The following KCNQ2 variants were observed in gnomAD, a reference collection of about 807,000 sequenced individuals.
KCNQ2 encodes the protein potassium voltage-gated channel subfamily Q member 2, also known as potassium voltage-gated channel subfamily KQT member 2.
Under a neutral mutation model 84.8 loss-of-function variants are expected in KCNQ2, and 14 were observed. That is an observed-to-expected ratio of 0.17 (90% CI 0.11 to 0.26). KCNQ2 has a LOEUF of 0.26. Among genes scored for constraint, KCNQ2 ranks in the 10% least tolerant of loss-of-function variants. The probability of loss-of-function intolerance (pLI) is 1.00; values close to 1 mark genes in which losing one functional copy is unlikely to be tolerated. For missense variants in KCNQ2, 788 were observed against 1,254.0 expected, an observed-to-expected ratio of 0.63 and a Z score of 5.61; for synonymous variants, 599 against 554.1, an observed-to-expected ratio of 1.08 and a Z score of -1.14.
chr20:63,429,410 T>C (rs1338848289), intron 9 of KCNQ2, among the ~76,000 whole-genome samples: 2 of 151,982 alleles, frequency 1.3e-5, no homozygotes, highest in Non-Finnish European at 2.9e-5. Flanking sequence ...CACGTCCTGG[T>C]CTCTCCTCTG....
At chr20:63,432,321 C>T (rs552664012) in intron 8 of KCNQ2, among the ~76,000 whole-genome samples, 5 of 147,364 alleles carry the variant, frequency 3.4e-5, no homozygotes, top group Admixed American at 6.7e-5. Flanking sequence ...AGGCTCCACC[C>T]TCTGGGAAGG....
At chr20:63,416,079 C>T (rs1402279639) in intron 12 of KCNQ2, among the ~76,000 whole-genome samples, 4 of 152,250 alleles carry the variant, frequency 2.6e-5, no homozygotes, top group Admixed American at 2.6e-4. Context: ...CAGAGAACTG[C>T]TCCTTCCGGC....
At chr20:63,411,989 C>T (rs532051840) in intron 15 of KCNQ2, 26 of 647,686 alleles carry the variant, frequency 4.0e-5, no homozygotes, top group East Asian at 3.2e-4. Flanking sequence ...AGGGAGGCTC[C>T]GTCGAAACAG....
chr20:63,420,767 G>A (rs1457622498), intron 11 of KCNQ2, among the ~76,000 whole-genome samples: 9 of 152,032 alleles, frequency 5.9e-5, no homozygotes, highest in Non-Finnish European at 1.0e-4. Flanking sequence ...CTCCAAGGGC[G>A]GGTGGCCGGC....
chr20:63,459,412 G>T (rs888399925), intron 1 of KCNQ2: 1 of 152,226 alleles, frequency 6.6e-6, no homozygotes, highest in Non-Finnish European at 1.5e-5. Flanking sequence ...CTCGGGAGAC[G>T]GAGGCTGGAG....
At position 63,431,271 on chromosome 20, in the gene KCNQ2, C is replaced by G. The variant is rs1336332979; in HGVS notation, c.1148+69G>C. 2.5e-6 allele frequency: 4 copies of G among 1,583,200 alleles called. No homozygotes were observed. In the East Asian group the frequency reaches 6.7e-5, roughly 27 times the overall value. On this transcript the variant is annotated intron_variant, in intron 9 of 16. Coordinates refer to ENST00000359125, the MANE Select transcript of KCNQ2 (RefSeq NM_172107.4). ...GGCCACGGGGCTCCAGGGGCTTGCCCGGTCACAGTTCCAGACACAGAACTA... is the reference window on the plus strand; with the variant it reads ...GGCCACGGGGCTCCAGGGGCTTGCCGGGTCACAGTTCCAGACACAGAACTA...
Position 63,428,318 on chromosome 20 carries a change from CAGG to C in KCNQ2, c.1217+46_1217+48del, listed in dbSNP as rs553228574. On this transcript the variant is annotated intron_variant, in intron 10 of 16. Transcript: ENST00000359125. ...GTCTTCTGTGGGCAGCTGGGGCCCC[CAGG>C]AGGACTGAGACGCCCACCCGCCCCA... 5,671 of 1,448,010 alleles carry C rather than the reference CAGG, an allele frequency of 3.9e-3. 39 individuals are homozygous for C. Among genetic ancestry groups the C allele is most frequent in the South Asian group, 0.02 (1,605 of 82,062 alleles). 89.7% of individuals were successfully genotyped at this position (1,448,010 alleles called of 1,614,324 possible).
chr20:63,446,400 C>A lies in KCNQ2; in HGVS notation c.387+347G>T, dbSNP rs117530947. Among the ~76,000 whole-genome samples, 40 of 152,336 alleles carry A rather than the reference C, an allele frequency of 2.6e-4. 1 individual carries two copies. In the East Asian group the frequency reaches 7.7e-3, roughly 29 times the overall value. ...ACAGCCCCCACCCCGACGCCCACGT[C>A]TGCCGTCTGCTGGGGACGCCCCACA... On this transcript the variant is annotated intron_variant, in intron 2 of 16. Transcript: ENST00000359125. The surrounding 1 kb of genome is among the most constrained non-coding windows in gnomAD (Gnocchi z 5.5).
rs150051355 is a variant in KCNQ2 at position 63,446,760 on chromosome 20, G to A, written c.374C>T (p.Ala125Val). The stretch of plus-strand genomic sequence containing the variant: ...CTCGGGGCTCACCAGGATGTAGAGG[G>A]CCCCCTCCGAGCTCTTCTCATACTC... ...IKEYEKSSEG[A>V]LYILEIVTIV... Residue 125 changes from alanine (A) to valine (V), a missense_variant, in exon 2 of 17, where the codon GCC becomes GTC. Coordinates refer to ENST00000359125, the MANE Select transcript of KCNQ2 (RefSeq NM_172107.4). The surrounding 1 kb of genome is among the most constrained non-coding windows in gnomAD (Gnocchi z 5.5). The A allele has an allele frequency of 1.2e-6, 2 of 1,613,316 alleles. No homozygotes were observed. The highest frequency in any genetic ancestry group is 1.7e-6 in the Non-Finnish European group (2 of 1,179,800).
chr20:63,419,885 G>T (rs1601591660), intron 11 of KCNQ2, among the ~76,000 whole-genome samples: 1 of 150,026 alleles, frequency 6.7e-6, no homozygotes, highest in Non-Finnish European at 1.5e-5. Flanking sequence ...AAAAATCCCT[G>T]TTTTTTTTTT....
chr20:63,461,562 G>A (rs1052069768), intron 1 of KCNQ2, among the ~76,000 whole-genome samples: 4 of 152,190 alleles, frequency 2.6e-5, no homozygotes, highest in Non-Finnish European at 5.9e-5. Context: ...CAGGACCATG[G>A]CCAGCACCCC....
chr20:63,428,765 G>C (rs1357171144), intron 9 of KCNQ2, among the ~76,000 whole-genome samples: 1 of 152,158 alleles, frequency 6.6e-6, no homozygotes, highest in Admixed American at 6.5e-5. Context: ...GCGCAGGTAG[G>C]GGGAGGCGCT....
Position 63,446,400 on chromosome 20 carries a change from C to T in KCNQ2, c.387+347G>A, listed in dbSNP as rs117530947. ...ACAGCCCCCACCCCGACGCCCACGT[C>T]TGCCGTCTGCTGGGGACGCCCCACA... On this transcript the variant is annotated intron_variant, in intron 2 of 16. Coordinates refer to ENST00000359125, the MANE Select transcript of KCNQ2 (RefSeq NM_172107.4). The surrounding 1 kb of genome is among the most constrained non-coding windows in gnomAD (Gnocchi z 5.5). Among the ~76,000 whole-genome samples the T allele has an allele frequency of 6.6e-6, 1 of 152,336 alleles. No individual in the cohort carries two copies. The highest frequency in any genetic ancestry group is 1.9e-4 in the East Asian group (1 of 5,186).
chr20:63,458,343 C>T (rs78423969), intron 1 of KCNQ2, among the ~76,000 whole-genome samples: 19,020 of 152,180 alleles, frequency 0.12, 1,589 homozygotes, highest in East Asian at 0.47. Context: ...CCCTCGAGGC[C>T]GCTGCAGTGC....
chr20:63,458,557 G>A (rs945699653), intron 1 of KCNQ2, among the ~76,000 whole-genome samples: 4 of 152,100 alleles, frequency 2.6e-5, no homozygotes, highest in Admixed American at 6.5e-5. Context: ...TCCCTTCCCC[G>A]GGCAGCCCCC....
Position 63,414,912 on chromosome 20 carries a change from T to A in KCNQ2, c.1516A>T (p.Asn506Tyr), listed in dbSNP as rs757300058. The A allele has an allele frequency of 6.2e-7, 1 of 1,612,508 alleles. No individual in the cohort carries two copies. The highest frequency in any genetic ancestry group is 8.5e-7 in the Non-Finnish European group (1 of 1,179,908). The part of the protein sequence containing the change: ...FRIKGAASRQ[N>Y]SEEASLPGED... ...ATGCGGCCACACCCACCTTCTGAGT[T>A]CTGCCGTGACGCGGCACCCTTGATG... Residue 506 changes from asparagine (N) to tyrosine (Y), a missense_variant, in exon 13 of 17, where the codon AAC becomes TAC. By Grantham distance (143) the Asn-to-Tyr change is moderately radical (BLOSUM62 -2). This residue lies in a region of KCNQ2 where 202 missense variants were observed against 239.4 expected (regional missense o/e 0.84). Coordinates refer to ENST00000359125, the MANE Select transcript of KCNQ2 (RefSeq NM_172107.4). The surrounding 1 kb of genome is among the most constrained non-coding windows in gnomAD (Gnocchi z 6.6).
rs376327268 is a variant in KCNQ2 at position 63,407,019 on chromosome 20, G to A, written c.2244C>T (p.His748=). The A allele has an allele frequency of 7.9e-5, 120 of 1,527,714 alleles. No homozygotes were observed. The highest frequency in any genetic ancestry group is 4.1e-4 in the African/African-American group (30 of 72,910). 94.6% of individuals were successfully genotyped at this position (1,527,714 alleles called of 1,614,324 possible). ...SLVRIPPPPA[H]ERSLSAYGGG... Reference sequence around the variant, plus strand: ...CGCCGTAGGCGGACAGCGACCGCTCGTGGGCAGGCGGCGGCGGGATGCGCA... The same window carrying A: ...CGCCGTAGGCGGACAGCGACCGCTCATGGGCAGGCGGCGGCGGGATGCGCA... The change falls in exon 17 of 17, where the codon CAC becomes CAT. Residue 748 remains histidine, a synonymous_variant. Coordinates refer to ENST00000359125, the MANE Select transcript of KCNQ2 (RefSeq NM_172107.4). This position sits in a 1 kb window ranked among gnomAD's most constrained non-coding sequence, Gnocchi z 7.2.
At chr20:63,450,517 C>A (rs1324807787) in intron 1 of KCNQ2, among the ~76,000 whole-genome samples, 6 of 62 alleles carry the variant, frequency 0.097, no homozygotes, top group Non-Finnish European at 0.029. Flanking sequence ...GGGGGCAGAG[C>A]CCCAGAAGAC....
At chr20:63,433,667 A>C in intron 8 of KCNQ2, 142 bp downstream of exon 8, 1 of 1,506,126 alleles carries the variant, frequency 6.6e-7, no homozygotes. Flanking sequence ...GAAATAAACC[A>C]CACACAGAAC....
Sources: gnomAD v4.1 joint callset for allele counts (sites outside exome capture counted in the v4.1 genomes callset) on GRCh38, gnomAD v4.1.1 for gene constraint, gnomAD v4.1.1 regional missense constraint, Gnocchi (gnomAD v3.1) non-coding constraint, MANE v1.5 for transcripts, NCBI Gene and HGNC (gene_info 2026-07-23, HGNC 2026-07-21) for gene names.